The following NAV2 variants were observed in gnomAD, a reference collection of about 807,000 sequenced individuals.
The protein encoded by NAV2 is helicase, APC down-regulated 1.
Under a neutral mutation model 223.2 loss-of-function variants are expected in NAV2, and 54 were observed. The observed-to-expected ratio is 0.24, with a 90% confidence interval of 0.19 to 0.30. The LOEUF (loss-of-function observed/expected upper bound fraction) is 0.30, where lower values mean the gene tolerates loss of function less well. Ranked by LOEUF, NAV2 falls within the 10% of genes least tolerant of loss-of-function variation. The pLI, the probability that NAV2 is intolerant of heterozygous loss-of-function variation, is 1.00. For synonymous variants in NAV2, 1,279 were observed against 1,239.3 expected, an observed-to-expected ratio of 1.03 and a Z score of -0.67; for missense variants, 2,806 against 3,147.5, an observed-to-expected ratio of 0.89 and a Z score of 2.60.
intron 8 of NAV2, among the ~76,000 whole-genome samples, chr11:19,940,233 A>G (rs1293085968): frequency 6.6e-6 from 1 of 152,060 alleles, no homozygotes; most frequent in Non-Finnish European, 1.5e-5. Context: ...AAATTGTAAC[A>G]TGCTTCTTTT....
chr11:19,747,674 C>T (rs1245670764), intron 1 of NAV2, among the ~76,000 whole-genome samples: 5 of 152,078 alleles, frequency 3.3e-5, no homozygotes, highest in South Asian at 2.1e-4. Flanking sequence ...CCATTCCTGG[C>T]GTCCTCTGCT....
At chr11:19,460,222 T>G (rs974961863) in intron 1 of NAV2, among the ~76,000 whole-genome samples, 4 of 152,200 alleles carry the variant, frequency 2.6e-5, no homozygotes, top group Non-Finnish European at 5.9e-5. Flanking sequence ...AGGGACCTGA[T>G]TCCACTGAAG....
chr11:19,410,326 A>G (rs1442927846), intron 1 of NAV2, among the ~76,000 whole-genome samples: 7 of 152,162 alleles, frequency 4.6e-5, no homozygotes, highest in Non-Finnish European at 8.8e-5. Flanking sequence ...CTGCCTGATT[A>G]TATATTCAAC....
chr11:19,682,925 A>G (rs2048918366), intron 1 of NAV2, among the ~76,000 whole-genome samples: 1 of 152,204 alleles, frequency 6.6e-6, no homozygotes, highest in South Asian at 2.1e-4. Flanking sequence ...CATTTTTCAG[A>G]TGAAAACAGT....
chr11:19,426,624 G>A (rs1850839401), intron 1 of NAV2, among the ~76,000 whole-genome samples: 2 of 152,160 alleles, frequency 1.3e-5, no homozygotes, highest in Non-Finnish European at 2.9e-5. Flanking sequence ...TTGGGGTTCA[G>A]GGAGAGGGAA....
At chr11:19,565,476 CA>C (rs2045238813) in intron 1 of NAV2, among the ~76,000 whole-genome samples, 1 of 152,156 alleles carries the variant, frequency 6.6e-6, no homozygotes, top group Non-Finnish European at 1.5e-5. Context: ...TTGTAATTAG[CA>C]GTCTTGAAAA....
intron 1 of NAV2, among the ~76,000 whole-genome samples, chr11:19,536,575 C>A (rs567924431): frequency 6.6e-6 from 1 of 152,300 alleles, no homozygotes; most frequent in East Asian, 1.9e-4. Context: ...CAAACTGGAG[C>A]TTTGATATTT....
chr11:19,656,532 T>C (rs1259374673), intron 1 of NAV2, among the ~76,000 whole-genome samples: 1 of 152,228 alleles, frequency 6.6e-6, no homozygotes, highest in Non-Finnish European at 1.5e-5. Flanking sequence ...GAAGGTCATG[T>C]TAAAATGTTG....
chr11:20,100,878 G>A, intron 31 of NAV2, 59 bp from the exon 32 acceptor site: 6 of 1,475,266 alleles, frequency 4.1e-6, no homozygotes, highest in Non-Finnish European at 5.7e-6. Context: ...AGTTAGGCAA[G>A]CACAGAGAGC....
At chr11:19,619,440 A>G (rs1034621513) in intron 1 of NAV2, among the ~76,000 whole-genome samples, 1 of 152,044 alleles carries the variant, frequency 6.6e-6, no homozygotes, top group Non-Finnish European at 1.5e-5. Flanking sequence ...TGACTTTTTG[A>G]TGATCACCAT....
At chr11:19,942,819 T>C (rs2046513927) in intron 8 of NAV2, among the ~76,000 whole-genome samples, 1 of 152,068 alleles carries the variant, frequency 6.6e-6, no homozygotes, top group Non-Finnish European at 1.5e-5. Flanking sequence ...ACCTCATCTC[T>C]GCAAAGAAAA....
chr11:19,446,973 C>T (rs1335397135), intron 1 of NAV2, among the ~76,000 whole-genome samples: 1 of 152,106 alleles, frequency 6.6e-6, no homozygotes, highest in Admixed American at 6.5e-5. Flanking sequence ...GGAGGGGAGA[C>T]AATAGTGAGG....
At chr11:19,393,668 G>T (rs1234125529) in intron 1 of NAV2, among the ~76,000 whole-genome samples, 2 of 152,164 alleles carry the variant, frequency 1.3e-5, no homozygotes, top group African/African-American at 4.8e-5. Context: ...TCCTTGAAAT[G>T]AAAAGTACCT....
chr11:19,785,089 A>G (rs1160359817), intron 1 of NAV2, among the ~76,000 whole-genome samples: 2 of 152,190 alleles, frequency 1.3e-5, no homozygotes, highest in African/African-American at 4.8e-5. Flanking sequence ...CAGTGTTTAA[A>G]TGTTACCGAT....
At chr11:19,840,872 C>T (rs145033443) in intron 2 of NAV2, among the ~76,000 whole-genome samples, 82 of 152,316 alleles carry the variant, frequency 5.4e-4, no homozygotes, top group African/African-American at 2.0e-3. Context: ...GTGCCAGACA[C>T]TGTGCTAAGC....
In NAV2 at chr11:20,118,333, T is replaced by G; in HGVS notation, c.*75T>G. On this transcript the variant is annotated 3_prime_UTR_variant, in exon 38 of 38. Transcript: ENST00000349880. Reference sequence around the variant, plus strand: ...TGCATCCCCCACATCACCCTGAAGATGACTTCCTGAGCCAGCCCCCAGCCA... The same window carrying G: ...TGCATCCCCCACATCACCCTGAAGAGGACTTCCTGAGCCAGCCCCCAGCCA... The G allele has an allele frequency of 6.5e-7, 1 of 1,538,660 alleles. No homozygotes were observed. Among genetic ancestry groups the G allele is most frequent in the Non-Finnish European group, 8.9e-7 (1 of 1,129,784 alleles).
chr11:19,589,815 C>T (rs915658716), intron 1 of NAV2, among the ~76,000 whole-genome samples: 1 of 152,156 alleles, frequency 6.6e-6, no homozygotes, highest in African/African-American at 2.4e-5. Flanking sequence ...TATTTAAAGC[C>T]ACCTGTAAGT....
chr11:19,984,031 A>C, intron 10 of NAV2, 94 bp from the exon 11 acceptor site: 2 of 1,530,844 alleles, frequency 1.3e-6, no homozygotes, highest in Admixed American at 3.4e-5. Flanking sequence ...CCCTTAGAGC[A>C]CTTGGCGGCT....
At chr11:20,053,218 G>GAAAAAAAAA (rs60421659) in intron 17 of NAV2, among the ~76,000 whole-genome samples, 2 of 40,974 alleles carry the variant, frequency 4.9e-5, no homozygotes, top group African/African-American at 1.0e-4. Context: ...ACTACGTCTC[G>GAAAAAAAAA]AAAAAAAAAA....
Sources: allele counts gnomAD v4.1 joint callset (sites outside exome capture counted in the v4.1 genomes callset), GRCh38; gene constraint gnomAD v4.1.1; transcripts MANE v1.5; gene names NCBI Gene and HGNC (gene_info 2026-07-23, HGNC 2026-07-21).